FERMT1: variants seen among roughly 807,000 people sequenced by gnomAD.
FERMT1 encodes the protein fermitin family homolog 1.
FERMT1 carries 60 observed loss-of-function variants against 85.3 expected under a neutral mutation model. That is an observed-to-expected ratio of 0.70 (90% confidence interval 0.57 to 0.87). FERMT1 has a LOEUF of 0.87. Ranked by LOEUF, FERMT1 falls within the 40% of genes least tolerant of loss-of-function variation. The pLI is 0.00. For synonymous variants in FERMT1, 275 were observed against 301.1 expected, an observed-to-expected ratio of 0.91 and a Z score of 0.90; for missense variants, 701 against 818.9, an observed-to-expected ratio of 0.86 and a Z score of 1.76.
Position 6,112,542 on chromosome 20 carries a change from T to C in FERMT1, c.467A>G (p.Asn156Ser), listed in dbSNP as rs138019177. ...FKKKKKKDKNNKEPIIEDILN... is the reference protein window; with the variant it reads ...FKKKKKKDKNSKEPIIEDILN... ...AATATCTTCAATTATGGGTTCCTTA[T>C]TATTTTTGTCTTTTTTCTTCTTCTT... The change falls in exon 4 of 15, where the codon AAT (asparagine) becomes AGT (serine). Residue 156 changes from asparagine to serine, a missense_variant. By Grantham distance (46) the Asn-to-Ser change is conservative. Coordinates refer to ENST00000217289, the MANE Select transcript of FERMT1 (RefSeq NM_017671.5). 3.2e-3 allele frequency: 5,086 copies of C among 1,611,970 alleles called. 214 individuals carry two copies. The Admixed American group carries it at 0.073, about 23-fold the overall frequency.
At chr20:6,093,855 C>T (rs547715360) in intron 9 of FERMT1, among the ~76,000 whole-genome samples, 1 of 152,214 alleles carries the variant, frequency 6.6e-6, no homozygotes, top group East Asian at 1.9e-4. Context: ...ACTCGGGAGG[C>T]TAAGGTGGGA....
intron 6 of FERMT1, among the ~76,000 whole-genome samples, chr20:6,098,984 A>C (rs1982581284): frequency 6.6e-6 from 1 of 152,248 alleles, no homozygotes; most frequent in Non-Finnish European, 1.5e-5. Context: ...GTGGCATCCA[A>C]ACACATACTT....
intron 9 of FERMT1, among the ~76,000 whole-genome samples, chr20:6,094,367 G>A (rs1327567353): frequency 6.6e-6 from 1 of 152,224 alleles, no homozygotes; most frequent in East Asian, 1.9e-4. Context: ...GCAGTTTCAG[G>A]TCAACCTGAG....
At chr20:6,085,940 A>C (rs1396168356) in intron 11 of FERMT1, among the ~76,000 whole-genome samples, 1 of 152,064 alleles carries the variant, frequency 6.6e-6, no homozygotes, top group Admixed American at 6.6e-5. Flanking sequence ...GGAGATCAAG[A>C]CCATCCTGGC....
Position 6,114,564 on chromosome 20 carries a change from C to T in FERMT1, c.385+1247G>A, listed in dbSNP as rs536354489. 7.2e-5 allele frequency among the ~76,000 whole-genome samples: 11 copies of T among 152,334 alleles called. No homozygotes were observed. In the South Asian group the frequency reaches 1.9e-3, roughly 26 times the overall value. On this transcript the variant is annotated intron_variant, in intron 3 of 14. Transcript: ENST00000217289. The stretch of plus-strand genomic sequence containing the variant: ...ATCATTTACTTTGCTTTCAAATCCT[C>T]ATTAGAATATTACCAAAAACACAAG...
intron 6 of FERMT1, among the ~76,000 whole-genome samples, chr20:6,099,190 G>A (rs1056139825): frequency 6.6e-6 from 1 of 152,108 alleles, no homozygotes; most frequent in Non-Finnish European, 1.5e-5. Context: ...ATCACTTGAG[G>A]TCAGGAGTTT....
chr20:6,076,186 G>A lies in FERMT1; in HGVS notation c.*987C>T, dbSNP rs1981814718. Reference sequence around the variant, plus strand: ...ACCCAGACCAGCCTAAAGCCCCTGTGGGGGCAGCCAGTGGGGAGCTGTCAG... The same window carrying A: ...ACCCAGACCAGCCTAAAGCCCCTGTAGGGGCAGCCAGTGGGGAGCTGTCAG... On this transcript the variant is annotated 3_prime_UTR_variant, in exon 15 of 15. Transcript: ENST00000217289. The A allele has an allele frequency of 3.4e-6, 1 of 297,680 alleles. No individual in the cohort carries two copies. The highest frequency in any genetic ancestry group is 4.3e-5 in the Admixed American group (1 of 23,522). The allele number at this position is 297,680 out of a possible 1,614,324, so 18.4% of individuals were successfully genotyped here.
chr20:6,092,175 A>G (rs1225554892), intron 9 of FERMT1, among the ~76,000 whole-genome samples: 1 of 152,162 alleles, frequency 6.6e-6, no homozygotes, highest in African/African-American at 2.4e-5. Flanking sequence ...AGGGCTTCAT[A>G]GGTTTTGTCA....
At chr20:6,079,028 G>A (rs1014969461) in intron 14 of FERMT1, among the ~76,000 whole-genome samples, 4 of 152,182 alleles carry the variant, frequency 2.6e-5, no homozygotes, top group Non-Finnish European at 5.9e-5. Context: ...GTCCTCCATC[G>A]GGTTTCTTGG....
intron 9 of FERMT1, among the ~76,000 whole-genome samples, chr20:6,091,368 T>G (rs1222506791): frequency 6.6e-6 from 1 of 151,618 alleles, no homozygotes; most frequent in East Asian, 2.0e-4. Context: ...TAGCTGGGAT[T>G]ACAGGCACGT....
intron 5 of FERMT1, among the ~76,000 whole-genome samples, chr20:6,109,672 G>T (rs755575703): frequency 1.1e-4 from 17 of 152,122 alleles, no homozygotes; most frequent in Non-Finnish European, 2.1e-4. Flanking sequence ...GGCCAAGGTG[G>T]GCAGATTACC....
chr20:6,091,354 C>T (rs774088070), intron 9 of FERMT1, among the ~76,000 whole-genome samples: 23 of 151,516 alleles, frequency 1.5e-4, no homozygotes, highest in African/African-American at 2.4e-4. Context: ...CCCAGCCTCC[C>T]GGGTAGCTGG....
In FERMT1 at chr20:6,119,459, T is replaced by A; in HGVS notation, c.96A>T (p.Arg32Ser). The A allele has an allele frequency of 6.2e-7, 1 of 1,614,078 alleles. No individual in the cohort carries two copies. The highest frequency in any genetic ancestry group is 8.5e-7 in the Non-Finnish European group (1 of 1,179,922). The change falls in exon 2 of 15, where the codon AGA (arginine) becomes AGT (serine). Residue 32 changes from arginine to serine, a missense_variant. By Grantham distance (110) the Arg-to-Ser change is moderately radical (BLOSUM62 -1). Coordinates refer to ENST00000217289, the MANE Select transcript of FERMT1 (RefSeq NM_017671.5). ...NEEQQKDVTL[R>S]VSGDLHVGGV... ...CTCCAACATGAAGGTCTCCAGATAC[T>A]CTCAGTGTGACGTCTTTCTGCTGCT... is the stretch of plus-strand genomic sequence containing the variant.
intron 1 of FERMT1, among the ~76,000 whole-genome samples, chr20:6,122,271 A>G (rs1366340271): frequency 1.3e-5 from 2 of 152,220 alleles, no homozygotes; most frequent in African/African-American, 4.8e-5. Context: ...GTTACTTGTC[A>G]AGGATAGCAG....
chr20:6,076,328 G>A lies in FERMT1; in HGVS notation c.*845C>T, dbSNP rs969484281. ...GGTGTTTCTATGAACAGAGAGGACT[G>A]TGCCTGTCTTCCTGAATCCCAACCC... On this transcript the variant is annotated 3_prime_UTR_variant, in exon 15 of 15. Coordinates refer to ENST00000217289, the MANE Select transcript of FERMT1 (RefSeq NM_017671.5). 1 of 431,838 alleles carries A rather than the reference G, an allele frequency of 2.3e-6. No individual in the cohort carries two copies. The highest frequency in any genetic ancestry group is 2.0e-5 in the African/African-American group (1 of 49,970). The allele number at this position is 431,838 out of a possible 1,614,324, so 26.8% of individuals were successfully genotyped here. A position where few individuals can be genotyped will look rare whatever the true frequency, so the allele number is the denominator to read the frequency against.
chr20:6,076,652 C>T lies in FERMT1; in HGVS notation c.*521G>A. 1 of 340,624 alleles carries T rather than the reference C, an allele frequency of 2.9e-6. No homozygotes were observed. The highest frequency in any genetic ancestry group is 5.8e-6 in the Non-Finnish European group (1 of 172,272). The allele number at this position is 340,624 out of a possible 1,614,324, so 21.1% of individuals were successfully genotyped here. A position where few individuals can be genotyped will look rare whatever the true frequency, so the allele number is the denominator to read the frequency against. On this transcript the variant is annotated 3_prime_UTR_variant, in exon 15 of 15. Coordinates refer to ENST00000217289, the MANE Select transcript of FERMT1 (RefSeq NM_017671.5). ...TCCCCTTTCTACCCCTAGACCTTGG[C>T]CTCCAGGGAAAAAGTGTGTGTAGGA...
At position 6,084,092 on chromosome 20, in the gene FERMT1, T is replaced by G. The variant is rs1383171669; in HGVS notation, c.1666A>C (p.Ile556Leu). ...TCAGGCAGTGACTGCCACGCCTGGA[T>G]GAACCGCAGCTTGGCTTCGACCAGG... Reference protein sequence around the residue: ...MPLVEAKLRFIQAWQSLPEFG... With the variant: ...MPLVEAKLRFLQAWQSLPEFG... Residue 556 changes from isoleucine to leucine, a missense_variant, in exon 13 of 15, where the codon ATC becomes CTC. Physicochemically the swap from Ile to Leu is conservative, Grantham distance 5 (BLOSUM62 2). Transcript: ENST00000217289. 1.2e-6 allele frequency: 2 copies of G among 1,614,078 alleles called. No individual in the cohort carries two copies. Among genetic ancestry groups the G allele is most frequent in the Non-Finnish European group, 1.7e-6 (2 of 1,179,994 alleles).
intron 1 of FERMT1, among the ~76,000 whole-genome samples, chr20:6,120,145 T>C (rs899267500): frequency 3.9e-5 from 6 of 152,114 alleles, no homozygotes; most frequent in Admixed American, 3.3e-4. Context: ...AATGTATATC[T>C]TCCCATAATA....
In FERMT1 at chr20:6,085,290, G is replaced by T. The variant is rs1251692584; in HGVS notation, c.1372-3C>A. ...ATCCATTGGGCGTATTGATTCTCCT[G>T]CAGCAAACAGAAGGTTGAGAAGCAA... On this transcript the variant is annotated splice_polypyrimidine_tract_variant and splice_region_variant and intron_variant, in intron 11 of 14. Coordinates refer to ENST00000217289, the MANE Select transcript of FERMT1 (RefSeq NM_017671.5). 1 of 1,612,830 alleles carries T rather than the reference G, an allele frequency of 6.2e-7. No individual in the cohort carries two copies. The highest frequency in any genetic ancestry group is 8.5e-7 in the Non-Finnish European group (1 of 1,179,850).
Sources: gnomAD v4.1 joint callset for allele counts (sites outside exome capture counted in the v4.1 genomes callset) on GRCh38, gnomAD v4.1.1 for gene constraint, MANE v1.5 for transcripts, NCBI Gene and HGNC (gene_info 2026-07-23, HGNC 2026-07-21) for gene names.